The following SRGAP3 variants were observed in gnomAD, a reference collection of about 807,000 sequenced individuals.
SRGAP3 encodes the protein SLIT-ROBO Rho GTPase activating protein 3.
A neutral mutation model predicts 121.1 loss-of-function variants in SRGAP3; 39 were observed. That is an observed-to-expected ratio of 0.32 (90% CI 0.25 to 0.42). The LOEUF (loss-of-function observed/expected upper bound fraction) is 0.42. SRGAP3 is among the 10% of genes least tolerant of loss of function. The pLI, the probability that SRGAP3 is intolerant of heterozygous loss-of-function variation, is 1.00. For synonymous variants in SRGAP3, 601 were observed against 570.0 expected (o/e 1.05, Z -0.77); for missense variants, 1,213 against 1,470.6 (o/e 0.82, Z 2.86).
At chr3:9,068,191 C>G (rs1437817975) in intron 4 of SRGAP3, among the ~76,000 whole-genome samples, 2 of 152,180 alleles carry the variant, frequency 1.3e-5, no homozygotes, top group African/African-American at 4.8e-5. Flanking sequence ...CGCCACGAAT[C>G]TGTCATCTGT....
At position 9,324,596 on chromosome 3, in the gene SRGAP3, G is replaced by A. The variant is rs568298167; in HGVS notation, n.442+1414C>T. Among the ~76,000 whole-genome samples the A allele has an allele frequency of 5.3e-5, 8 of 151,884 alleles. No individual in the cohort carries two copies. The South Asian group carries it at 6.2e-4, about 12-fold the overall frequency. ...AGTGACTTCATTTTAGTTTGGTTTC[G>A]TTTGTCGGGGCCTAGTGCATGAGCT... On this transcript the variant is annotated intron_variant and non_coding_transcript_variant, in intron 3 of 3. Coordinates refer to the SRGAP3 transcript ENST00000490889.
chr3:9,315,730 C>T (rs1014150308), intron 3 of SRGAP3, among the ~76,000 whole-genome samples: 1 of 151,974 alleles, frequency 6.6e-6, no homozygotes, highest in African/African-American at 2.4e-5. Flanking sequence ...TAAAGATGTA[C>T]AAAATATGCT....
chr3:9,022,482 C>G (rs181669663), intron 14 of SRGAP3, among the ~76,000 whole-genome samples: 5 of 152,168 alleles, frequency 3.3e-5, no homozygotes, highest in Non-Finnish European at 5.9e-5. Flanking sequence ...TGGGCCACCC[C>G]GTCGCCAGGG....
Position 8,990,854 on chromosome 3 carries a change from G to T in SRGAP3, c.2559-15C>A. On this transcript the variant is annotated splice_polypyrimidine_tract_variant and intron_variant, in intron 20 of 21. Coordinates refer to ENST00000383836, the MANE Select transcript of SRGAP3 (RefSeq NM_014850.4). ...GTAACCGCACTCTGCAAAGGAGCCA[G>T]GGGGCGAGGGGCATGGGGCAGAGGT... is the stretch of plus-strand genomic sequence containing the variant. 1 of 1,496,716 alleles carries T rather than the reference G, an allele frequency of 6.7e-7. No individual in the cohort carries two copies. The highest frequency in any genetic ancestry group is 8.8e-7 in the Non-Finnish European group (1 of 1,131,166). 92.7% of individuals were successfully genotyped at this position (1,496,716 alleles called of 1,614,324 possible).
chr3:9,256,380 T>C (rs1954133083), intron 3 of SRGAP3, among the ~76,000 whole-genome samples: 1 of 152,190 alleles, frequency 6.6e-6, no homozygotes, highest in African/African-American at 2.4e-5. Context: ...TCATTTCCAG[T>C]GATGACAGGA....
At chr3:9,358,577 A>AT (rs2030640413) in intron 1 of SRGAP3, among the ~76,000 whole-genome samples, 1 of 152,144 alleles carries the variant, frequency 6.6e-6, no homozygotes, top group Admixed American at 6.5e-5. Context: ...CTCCAACTCA[A>AT]TTTCAACACT....
At position 9,291,602 on chromosome 3, in the gene SRGAP3, CCACACA is replaced by C. The variant is rs71049786; in HGVS notation, n.442+34402_442+34407del. Among the ~76,000 whole-genome samples the C allele has an allele frequency of 3.2e-3, 472 of 146,958 alleles. 2 individuals carry two copies. The highest frequency in any genetic ancestry group is 0.028 in the Middle Eastern group (8 of 284). ...AAATGCATCCATTCATGCATCAACA[CCACACA>C]CACACACACACACACACACACACAC... On this transcript the variant is annotated intron_variant and non_coding_transcript_variant, in intron 3 of 3. Transcript: ENST00000490889.
chr3:9,182,298 A>T (rs1951438711), intron 1 of SRGAP3, among the ~76,000 whole-genome samples: 1 of 152,122 alleles, frequency 6.6e-6, no homozygotes, highest in South Asian at 2.1e-4. Context: ...AAATGAGGTC[A>T]TCAGGGCATG....
At chr3:9,290,261 G>A (rs1332252240) in intron 3 of SRGAP3, among the ~76,000 whole-genome samples, 1 of 152,046 alleles carries the variant, frequency 6.6e-6, no homozygotes, top group African/African-American at 2.4e-5. Flanking sequence ...GGTTTTAAAT[G>A]TTATCCAGAA....
At chr3:9,277,023 C>G (rs775810538) in intron 3 of SRGAP3, among the ~76,000 whole-genome samples, 5 of 152,244 alleles carry the variant, frequency 3.3e-5, no homozygotes, top group Non-Finnish European at 4.4e-5. Flanking sequence ...TTGGGCAAGT[C>G]ACTTAACCTC....
chr3:9,196,614 A>G (rs963816319), intron 1 of SRGAP3, among the ~76,000 whole-genome samples: 4 of 152,220 alleles, frequency 2.6e-5, no homozygotes, highest in Non-Finnish European at 4.4e-5. Context: ...TACCTCCAAT[A>G]TACAGCATCA....
chr3:9,131,688 C>T (rs559495140), intron 1 of SRGAP3, among the ~76,000 whole-genome samples: 9 of 152,102 alleles, frequency 5.9e-5, no homozygotes, highest in East Asian at 3.9e-4. Context: ...GTAATCCACC[C>T]GCCTCGGCCT....
chr3:8,982,882 C>G lies in SRGAP3; in HGVS notation c.*2637G>C, dbSNP rs374105316. 4.4e-6 allele frequency: 1 copy of G among 227,186 alleles called. No individual in the cohort carries two copies. The highest frequency in any genetic ancestry group is 2.2e-5 in the African/African-American group (1 of 44,778). 14.1% of individuals were successfully genotyped at this position (227,186 alleles called of 1,614,324 possible). ...GTGCTTAAAGAAAACAGCTAAGACT[C>G]TGCCCTCAGAAAATTCAGTGAAAGG... On this transcript the variant is annotated 3_prime_UTR_variant, in exon 22 of 22. Coordinates refer to ENST00000383836, the MANE Select transcript of SRGAP3 (RefSeq NM_014850.4).
At chr3:8,987,207 A>G (rs1941763646) in intron 21 of SRGAP3, among the ~76,000 whole-genome samples, 1 of 152,202 alleles carries the variant, frequency 6.6e-6, no homozygotes. Context: ...CTAGCCCAAG[A>G]GCCCCATGGG....
chr3:8,990,760 C>A lies in SRGAP3; in HGVS notation c.2638G>T (p.Gly880Cys), dbSNP rs371675684. 1.9e-6 allele frequency: 3 copies of A among 1,606,202 alleles called. No individual in the cohort carries two copies. The highest frequency in any genetic ancestry group is 3.4e-5 in the Admixed American group (2 of 59,166). Residue 880 changes from glycine (G) to cysteine (C), a missense_variant, in exon 21 of 22, where the codon GGC becomes TGC. Coordinates refer to ENST00000383836, the MANE Select transcript of SRGAP3 (RefSeq NM_014850.4). The stretch of plus-strand genomic sequence containing the variant: ...CGGGGTGGTGTGTCTATGCTGGGGC[C>A]CAGGCCCCGGGGCGGGCTGTGTGTG... ...GDTHSPPRGL[G>C]PSIDTPPRAA...
At chr3:9,115,673 A>C (rs1948779470) in intron 2 of SRGAP3, among the ~76,000 whole-genome samples, 1 of 152,204 alleles carries the variant, frequency 6.6e-6, no homozygotes, top group African/African-American at 2.4e-5. Context: ...AAAGAAGGTA[A>C]AGATGAAAGA....
intron 1 of SRGAP3, among the ~76,000 whole-genome samples, chr3:9,182,777 C>A (rs1025302278): frequency 2.0e-5 from 3 of 152,030 alleles, no homozygotes; most frequent in Non-Finnish European, 4.4e-5. Context: ...CCTCAGCCTC[C>A]CAAGTAGCTG....
chr3:9,277,017 G>T (rs112499700), intron 3 of SRGAP3, among the ~76,000 whole-genome samples: 1 of 152,334 alleles, frequency 6.6e-6, no homozygotes, highest in African/African-American at 2.4e-5. Context: ...GTGGCCTTGG[G>T]CAAGTCACTT....
intron 14 of SRGAP3, among the ~76,000 whole-genome samples, chr3:9,021,141 G>A (rs778232546): frequency 5.3e-5 from 8 of 152,212 alleles, no homozygotes; most frequent in Non-Finnish European, 8.8e-5. Flanking sequence ...TCTTCTTGAG[G>A]CAGGACACAG....
Sources: gnomAD v4.1 joint callset for allele counts (sites outside exome capture counted in the v4.1 genomes callset) on GRCh38, gnomAD v4.1.1 for gene constraint, MANE v1.5 for transcripts, NCBI Gene and HGNC (gene_info 2026-07-23, HGNC 2026-07-21) for gene names.